POLDIP3: variants seen among roughly 807,000 people sequenced by gnomAD.
POLDIP3 encodes DNA polymerase delta interacting protein 3.
A neutral mutation model predicts 45.1 loss-of-function variants in POLDIP3; 14 were observed. That is an observed-to-expected ratio of 0.31 (90% CI 0.20 to 0.49). POLDIP3 has a LOEUF of 0.49. Among genes scored for constraint, POLDIP3 ranks in the 20% least tolerant of loss-of-function variants. The pLI is 0.99. For synonymous variants in POLDIP3, 223 were observed against 205.2 expected (o/e 1.09, Z -0.74); for missense variants, 511 against 538.8 (o/e 0.95, Z 0.51).
At chr22:42,607,257 G>A (rs1047665079) in intron 1 of POLDIP3, among the ~76,000 whole-genome samples, 3 of 152,248 alleles carry the variant, frequency 2.0e-5, no homozygotes, top group Non-Finnish European at 2.9e-5. Flanking sequence ...GATTGCAGGC[G>A]CGCACCGCCA....
intron 4 of POLDIP3, 91 bp from the exon 5 acceptor site, chr22:42,596,456 AC>A (rs1925999382): frequency 8.1e-7 from 1 of 1,238,592 alleles, no homozygotes; most frequent in Non-Finnish European, 1.1e-6. Context: ...GAGAGCATGA[AC>A]CCTCGATGCC....
intron 6 of POLDIP3, among the ~76,000 whole-genome samples, chr22:42,593,483 A>G (rs1477829338): frequency 6.6e-6 from 1 of 152,212 alleles, no homozygotes; most frequent in African/African-American, 2.4e-5. Context: ...GCAAGTACTC[A>G]GTAAATGGCA....
intron 6 of POLDIP3, among the ~76,000 whole-genome samples, chr22:42,594,598 C>A (rs1374797382): frequency 6.6e-6 from 1 of 152,228 alleles, no homozygotes; most frequent in African/African-American, 2.4e-5. Flanking sequence ...CAGGGAGAGG[C>A]TGGATTCTCC....
intron 6 of POLDIP3, among the ~76,000 whole-genome samples, chr22:42,594,550 T>C (rs370107416): frequency 6.6e-6 from 1 of 152,128 alleles, no homozygotes; most frequent in Non-Finnish European, 1.5e-5. Flanking sequence ...TTAACAAATG[T>C]AGTGACCAGT....
intron 4 of POLDIP3, among the ~76,000 whole-genome samples, chr22:42,599,304 A>G (rs1926196604): frequency 6.6e-6 from 1 of 152,268 alleles, no homozygotes; most frequent in African/African-American, 2.4e-5. Flanking sequence ...ATATTTCTGC[A>G]TTGAAAGGCT....
intron 3 of POLDIP3, among the ~76,000 whole-genome samples, chr22:42,601,493 T>C (rs1043681151): frequency 2.6e-5 from 4 of 151,992 alleles, no homozygotes; most frequent in African/African-American, 9.7e-5. Context: ...CTGGGTGTGG[T>C]GGCTCACGCC....
At chr22:42,585,992 A>G (rs1279783082) in intron 8 of POLDIP3, 24 bp from the exon 9 acceptor site, 2 of 1,571,580 alleles carry the variant, frequency 1.3e-6, no homozygotes, top group African/African-American at 2.7e-5. Flanking sequence ...AGAAGAGTCA[A>G]AAATTCTTGT....
At chr22:42,586,660 C>T (rs183452433) in intron 8 of POLDIP3, among the ~76,000 whole-genome samples, 246 of 152,314 alleles carry the variant, frequency 1.6e-3, no homozygotes, top group African/African-American at 5.5e-3. Flanking sequence ...ATTTCTTATT[C>T]CTTGAACACA....
At chr22:42,586,216 T>TG (rs144295956) in intron 8 of POLDIP3, among the ~76,000 whole-genome samples, 3,008 of 152,286 alleles carry the variant, frequency 0.02, 35 homozygotes, top group Middle Eastern at 0.037. Flanking sequence ...CCACCATGCC[T>TG]GGCTCATTTT....
At position 42,607,375 on chromosome 22, in the gene POLDIP3, G is replaced by A. The variant is rs181550924; in HGVS notation, c.60-4215C>T. 2.8e-3 allele frequency among the ~76,000 whole-genome samples: 430 copies of A among 152,372 alleles called. 2 individuals carry two copies. Among genetic ancestry groups the A allele is most frequent in the Admixed American group, 0.012 (177 of 15,310 alleles). On this transcript the variant is annotated intron_variant, in intron 1 of 8. Coordinates refer to ENST00000252115, the MANE Select transcript of POLDIP3 (RefSeq NM_032311.5). The stretch of plus-strand genomic sequence containing the variant: ...TGATCTGCCTGCCTCGGCCTCCCGA[G>A]GTGCCGGGATTGCAGACGGAGTCTC...
intron 1 of POLDIP3, among the ~76,000 whole-genome samples, chr22:42,606,216 CTT>C (rs879501512): frequency 3.5e-5 from 5 of 143,280 alleles, no homozygotes; most frequent in Admixed American, 1.4e-4. Flanking sequence ...TTCACACAGA[CTT>C]TTTTTTTTTT....
intron 3 of POLDIP3, among the ~76,000 whole-genome samples, chr22:42,600,557 C>T (rs1015607091): frequency 2.0e-5 from 3 of 150,734 alleles, no homozygotes; most frequent in African/African-American, 4.9e-5. Flanking sequence ...ACCCGGGAGG[C>T]GGAGCTTGCA....
intron 6 of POLDIP3, 21 bp downstream of exon 6, chr22:42,595,516 T>C (rs1487763035): frequency 1.2e-6 from 2 of 1,608,762 alleles, no homozygotes; most frequent in Admixed American, 3.3e-5. Flanking sequence ...ATTTAAATGT[T>C]TGGTAGGTCA....
At chr22:42,591,481 G>A (rs1925666585) in intron 7 of POLDIP3, among the ~76,000 whole-genome samples, 1 of 152,238 alleles carries the variant, frequency 6.6e-6, no homozygotes, top group Non-Finnish European at 1.5e-5. Context: ...TGGAAAAGGA[G>A]CATGGCAGAC....
chr22:42,587,613 T>G, intron 7 of POLDIP3, 41 bp from the exon 8 acceptor site: 2 of 1,565,266 alleles, frequency 1.3e-6, no homozygotes, highest in Non-Finnish European at 8.8e-7. Context: ...CTATGAGACC[T>G]CGGCTCCTCA....
At chr22:42,596,076 T>G (rs1925965944) in intron 5 of POLDIP3, 110 bp downstream of exon 5, 1 of 1,216,154 alleles carries the variant, frequency 8.2e-7, no homozygotes, top group Admixed American at 2.0e-5. Context: ...ATCTGTAGAA[T>G]GGGGGTGGCA....
rs1011459290 is a variant in POLDIP3 at position 42,585,604 on chromosome 22, G to A, written c.*187C>T. 1 of 660,166 alleles carries A rather than the reference G, an allele frequency of 1.5e-6. No homozygotes were observed. The highest frequency in any genetic ancestry group is 2.7e-5 in the East Asian group (1 of 37,222). 40.9% of individuals were successfully genotyped at this position (660,166 alleles called of 1,614,324 possible). On this transcript the variant is annotated 3_prime_UTR_variant, in exon 9 of 9. Coordinates refer to ENST00000252115, the MANE Select transcript of POLDIP3 (RefSeq NM_032311.5). ...ATACTACAGGAAACGTTAACGTAGA[G>A]AGAAGAGCACAGGGCAGAACACAAC...
Position 42,585,954 on chromosome 22 carries a change from C to G in POLDIP3, c.1103G>C (p.Ser368Thr). 4.3e-6 allele frequency: 7 copies of G among 1,612,348 alleles called. No individual in the cohort carries two copies. The highest frequency in any genetic ancestry group is 5.9e-6 in the Non-Finnish European group (7 of 1,179,176). The stretch of plus-strand genomic sequence containing the variant: ...CTCGCTCTCCTTTTTCATTGATGGG[C>G]TGTCACTCAGCCGCCTGTGGAGAGC... ...DQPILLRLSDSPSMKKESELP... is the reference protein window; with the variant it reads ...DQPILLRLSDTPSMKKESELP... The change falls in exon 9 of 9, where the codon AGC (serine) becomes ACC (threonine). Residue 368 changes from serine (S) to threonine (T), a missense_variant. Around this residue, in one of 4 missense-constraint regions of POLDIP3, gnomAD observed 45 missense variants for 34.3 expected, o/e 1.31. Coordinates refer to ENST00000252115, the MANE Select transcript of POLDIP3 (RefSeq NM_032311.5).
At chr22:42,608,261 C>CG (rs1254064336) in intron 1 of POLDIP3, among the ~76,000 whole-genome samples, 4 of 131,298 alleles carry the variant, frequency 3.0e-5, no homozygotes, top group Non-Finnish European at 4.8e-5. Flanking sequence ...TTACCCCCCC[C>CG]CCCAAAAAAA....
Sources: gnomAD v4.1 joint callset for allele counts (sites outside exome capture counted in the v4.1 genomes callset) on GRCh38, gnomAD v4.1.1 for gene constraint, gnomAD v4.1.1 regional missense constraint, MANE v1.5 for transcripts, NCBI Gene and HGNC (gene_info 2026-07-23, HGNC 2026-07-21) for gene names.